The following ZC3H7A variants were observed in gnomAD, a reference collection of about 807,000 sequenced individuals.
The protein encoded by ZC3H7A is zinc finger CCCH domain-containing protein 7A.
Under a neutral mutation model 125.5 loss-of-function variants are expected in ZC3H7A, and 44 were observed. That is an observed-to-expected ratio of 0.35 (90% confidence interval 0.28 to 0.45). The LOEUF is 0.45. Ranked by LOEUF, ZC3H7A falls within the 20% of genes least tolerant of loss-of-function variation. The probability of loss-of-function intolerance (pLI) is 1.00; values close to 1 mark genes in which losing one functional copy is unlikely to be tolerated. For synonymous variants in ZC3H7A, 399 were observed against 391.2 expected, an observed-to-expected ratio of 1.02 and a Z score of -0.23; for missense variants, 977 against 1,170.7, an observed-to-expected ratio of 0.83 and a Z score of 2.41.
At position 11,795,968 on chromosome 16, in the gene ZC3H7A, C is replaced by T. The variant is rs369197684; in HGVS notation, c.-35+1156G>A. Reference sequence around the variant, plus strand: ...CCACCTCAGCTTCCCGAGTAGCTGACTACCGGCGTGCGCCACCACGCCCAG... The same window carrying T: ...CCACCTCAGCTTCCCGAGTAGCTGATTACCGGCGTGCGCCACCACGCCCAG... On this transcript the variant is annotated intron_variant, in intron 1 of 22. Transcript: ENST00000355758. Among the ~76,000 whole-genome samples the T allele has an allele frequency of 1.2e-3, 177 of 151,904 alleles. 3 individuals carry two copies. Among genetic ancestry groups the T allele is most frequent in the African/African-American group, 4.1e-3 (170 of 41,436 alleles).
Position 11,765,481 on chromosome 16 carries a change from G to A in ZC3H7A, c.1719+8C>T, listed in dbSNP as rs763518097. 6.2e-7 allele frequency: 1 copy of A among 1,604,970 alleles called. No homozygotes were observed. Among genetic ancestry groups the A allele is most frequent in the Non-Finnish European group, 8.5e-7 (1 of 1,174,618 alleles). On this transcript the variant is annotated splice_region_variant and intron_variant, in intron 14 of 22. Transcript: ENST00000355758. This position sits in a 1 kb window ranked among gnomAD's most constrained non-coding sequence, Gnocchi z 4.8. ...TTTACAGTGGAAAATAAGTTTTGGA[G>A]AACACACCTCACAAAGGAATATAAA...
intron 16 of ZC3H7A, 97 bp from the exon 17 acceptor site, chr16:11,762,844 T>A (rs769868873): frequency 1.2e-4 from 126 of 1,094,788 alleles, no homozygotes; most frequent in Non-Finnish European, 1.5e-4. Flanking sequence ...CAGCTTCCAA[T>A]CTATTCTCAT....
rs184072677 is a variant in ZC3H7A, at chr16:11,790,780, C to T, written c.-35+6344G>A. ...TCTTGAACTCCCGACCTCAGGTGAT[C>T]TGCCCACCTCGGTCTCTCCCAGGAG... On this transcript the variant is annotated intron_variant, in intron 1 of 22. Coordinates refer to ENST00000355758, the MANE Select transcript of ZC3H7A (RefSeq NM_014153.4). 8.5e-5 allele frequency among the ~76,000 whole-genome samples: 13 copies of T among 152,100 alleles called. No individual in the cohort carries two copies. The East Asian group carries it at 1.9e-3, about 23-fold the overall frequency.
chr16:11,780,190 C>T (rs537797600), intron 3 of ZC3H7A, among the ~76,000 whole-genome samples: 3 of 150,538 alleles, frequency 2.0e-5, no homozygotes, highest in South Asian at 2.1e-4. Context: ...GGCACGATCT[C>T]GGCTCTCTGC....
At chr16:11,780,811 G>C (rs756475739) in intron 3 of ZC3H7A, among the ~76,000 whole-genome samples, 51 of 152,256 alleles carry the variant, frequency 3.3e-4, no homozygotes, top group African/African-American at 1.2e-3. Flanking sequence ...GTAGAGACAA[G>C]AGTCTGCAGT....
At chr16:11,790,868 T>A (rs1009080460) in intron 1 of ZC3H7A, among the ~76,000 whole-genome samples, 1 of 148,286 alleles carries the variant, frequency 6.7e-6, no homozygotes, top group African/African-American at 2.5e-5. Flanking sequence ...AGAGCAACAT[T>A]CTGCCTCAAA....
At chr16:11,760,122 G>GAAAAAAAAAAAAAAAAAA (rs66812605) in intron 19 of ZC3H7A, among the ~76,000 whole-genome samples, 57 of 82,532 alleles carry the variant, frequency 6.9e-4, no homozygotes, top group Middle Eastern at 8.1e-3. Context: ...AAGAAAAAAT[G>GAAAAAAAAAAAAAAAAAA]AAAAAAAAAA....
chr16:11,786,710 T>G (rs556273387), intron 1 of ZC3H7A, among the ~76,000 whole-genome samples: 2 of 152,328 alleles, frequency 1.3e-5, no homozygotes, highest in African/African-American at 4.8e-5. Context: ...TATTTCATGT[T>G]CAGTAGTTTT....
At position 11,758,577 on chromosome 16, in the gene ZC3H7A, C is replaced by T. The variant is rs755448446; in HGVS notation, c.2320-38G>A. On this transcript the variant is annotated intron_variant, in intron 19 of 22. Coordinates refer to ENST00000355758, the MANE Select transcript of ZC3H7A (RefSeq NM_014153.4). ...ATAGGAATATGATTAAGACAAAGTA[C>T]ACCTAGTAAAACGGCCTAATTTTTA... 31 of 1,495,382 alleles carry T rather than the reference C, an allele frequency of 2.1e-5. No individual in the cohort carries two copies. In the South Asian group the frequency reaches 2.3e-4, roughly 11 times the overall value. 92.6% of individuals were successfully genotyped at this position (1,495,382 alleles called of 1,614,324 possible).
In ZC3H7A at chr16:11,797,212, C is replaced by G; in HGVS notation, c.-123G>C. 1 of 151,878 alleles carries G rather than the reference C, an allele frequency of 6.6e-6. No individual in the cohort carries two copies. The highest frequency in any genetic ancestry group is 1.5e-5 in the Non-Finnish European group (1 of 68,786). 9.4% of individuals were successfully genotyped at this position (151,878 alleles called of 1,614,324 possible). On this transcript the variant is annotated 5_prime_UTR_variant, in exon 1 of 23. Transcript: ENST00000355758. The stretch of plus-strand genomic sequence containing the variant: ...AGCGGTGGCGGCGGCGGCGGCGGGG[C>G]CTGGGTGCTCGCTCGCAGCTCTCCC...
At chr16:11,784,186 G>T (rs1346393626) in intron 1 of ZC3H7A, among the ~76,000 whole-genome samples, 1 of 152,190 alleles carries the variant, frequency 6.6e-6, no homozygotes, top group African/African-American at 2.4e-5. Flanking sequence ...AGCCAAAAGG[G>T]GGGTAGCTGG....
At chr16:11,778,157 C>T (rs1194591202) in intron 4 of ZC3H7A, among the ~76,000 whole-genome samples, 4 of 151,774 alleles carry the variant, frequency 2.6e-5, no homozygotes, top group Non-Finnish European at 5.9e-5. Context: ...AAAACACTCG[C>T]CAGGCACGGT....
intron 20 of ZC3H7A, among the ~76,000 whole-genome samples, chr16:11,757,695 G>A (rs557126768): frequency 1.2e-4 from 18 of 152,108 alleles, no homozygotes; most frequent in African/African-American, 4.3e-4. Flanking sequence ...AGCCTGGTGC[G>A]CAAGGGCATC....
chr16:11,754,151 G>A (rs1444719911), intron 21 of ZC3H7A, among the ~76,000 whole-genome samples: 1 of 151,564 alleles, frequency 6.6e-6, no homozygotes, highest in Non-Finnish European at 1.5e-5. Context: ...AATTAGCCAG[G>A]CATGGTGGAG....
At chr16:11,760,191 A>G (rs1481088471) in intron 19 of ZC3H7A, among the ~76,000 whole-genome samples, 2 of 152,060 alleles carry the variant, frequency 1.3e-5, no homozygotes, top group Admixed American at 1.3e-4. Context: ...GGGAAAAAAA[A>G]GAGGAAATAA....
intron 1 of ZC3H7A, among the ~76,000 whole-genome samples, chr16:11,793,036 A>G (rs2053378438): frequency 6.6e-6 from 1 of 152,238 alleles, no homozygotes; most frequent in African/African-American, 2.4e-5. Flanking sequence ...GTAGGCCAGG[A>G]GTCTGGACAT....
At chr16:11,756,019 T>C (rs890507829) in intron 21 of ZC3H7A, among the ~76,000 whole-genome samples, 1 of 151,956 alleles carries the variant, frequency 6.6e-6, no homozygotes, top group Non-Finnish European at 1.5e-5. Context: ...AAAAATTAGC[T>C]GGGCGTGGTG....
intron 3 of ZC3H7A, 151 bp from the exon 4 acceptor site, chr16:11,779,514 T>C: frequency 1.5e-6 from 1 of 666,510 alleles, no homozygotes; most frequent in Non-Finnish European, 2.5e-6. Context: ...CCCAAGTCAC[T>C]GCTATCTCAG....
chr16:11,775,044 T>C, intron 7 of ZC3H7A, 31 bp from the exon 8 acceptor site: 1 of 1,612,158 alleles, frequency 6.2e-7, no homozygotes. Flanking sequence ...TGGGTTATAA[T>C]ATTTTCAGGA....
Sources: allele counts gnomAD v4.1 joint callset (sites outside exome capture counted in the v4.1 genomes callset), GRCh38; gene constraint gnomAD v4.1.1; non-coding constraint Gnocchi (gnomAD v3.1); transcripts MANE v1.5; gene names NCBI Gene and HGNC (gene_info 2026-07-23, HGNC 2026-07-21).